The following CCDC102B variants were observed in gnomAD, a reference collection of about 807,000 sequenced individuals.
The protein encoded by CCDC102B is coiled-coil domain containing 102B, also known as coiled-coil domain-containing protein 102B.
A neutral mutation model predicts 57.4 loss-of-function variants in CCDC102B; 75 were observed. The ratio of observed to expected loss-of-function variants is 1.31; its 90% CI spans 1.08 to 1.58. The LOEUF is 1.58. Ranked by LOEUF, CCDC102B falls within the 40% of genes most tolerant of loss-of-function variation. CCDC102B has a pLI of 0.00. For synonymous variants in CCDC102B, 206 were observed against 201.9 expected (o/e 1.02, Z -0.17); for missense variants, 636 against 582.6 (o/e 1.09, Z -0.94).
intron 2 of CCDC102B, among the ~76,000 whole-genome samples, chr18:68,717,076 C>CA (rs762558435): frequency 0.019 from 1,923 of 103,162 alleles, 38 homozygotes; most frequent in African/African-American, 0.056. Context: ...GACTCTGTTT[C>CA]AAAAAAAAAA....
intron 5 of CCDC102B, among the ~76,000 whole-genome samples, chr18:68,893,513 A>G (rs978178768): frequency 6.6e-6 from 1 of 152,148 alleles, no homozygotes; most frequent in African/African-American, 2.4e-5. Context: ...GTGTGTAATC[A>G]TTGTCATTGA....
At chr18:68,725,341 C>G (rs930271616) in intron 2 of CCDC102B, among the ~76,000 whole-genome samples, 4 of 152,052 alleles carry the variant, frequency 2.6e-5, no homozygotes, top group African/African-American at 9.7e-5. Context: ...TTATTATGTC[C>G]CAGTTCAGTA....
intron 6 of CCDC102B, among the ~76,000 whole-genome samples, chr18:68,913,340 G>GTGTGTGTGTGTC: frequency 6.6e-6 from 1 of 151,190 alleles, no homozygotes. Flanking sequence ...GTGTGTGTGT[G>GTGTGTGTGTGTC]TGTGGTCCTA....
At chr18:68,863,570 A>G (rs564529989) in intron 4 of CCDC102B, among the ~76,000 whole-genome samples, 1 of 151,886 alleles carries the variant, frequency 6.6e-6, no homozygotes, top group South Asian at 2.1e-4. Flanking sequence ...AAATAAAGAG[A>G]ACTTCATCTC....
chr18:69,013,248 AT>A (rs60658028), intron 7 of CCDC102B, among the ~76,000 whole-genome samples: 15,460 of 147,986 alleles, frequency 0.1, 2,059 homozygotes, highest in African/African-American at 0.31. Context: ...GCTGGAGGCC[AT>A]TTTTTTTTTT....
At chr18:68,909,802 G>C (rs1049912588) in intron 6 of CCDC102B, among the ~76,000 whole-genome samples, 20 of 152,122 alleles carry the variant, frequency 1.3e-4, no homozygotes, top group African/African-American at 4.8e-4. Context: ...CACATATAGG[G>C]AGTAAAATTA....
chr18:68,980,605 G>A (rs1347000802), intron 6 of CCDC102B, among the ~76,000 whole-genome samples: 1 of 151,950 alleles, frequency 6.6e-6, no homozygotes, highest in Non-Finnish European at 1.5e-5. Context: ...TAAATAAGAT[G>A]GTCAGATGAG....
At chr18:68,854,831 G>A (rs746590294) in intron 4 of CCDC102B, among the ~76,000 whole-genome samples, 2 of 152,122 alleles carry the variant, frequency 1.3e-5, no homozygotes, top group African/African-American at 4.8e-5. Context: ...CTGAGAATTA[G>A]CACTGCTTAT....
chr18:68,919,186 A>T (rs1361682841), intron 6 of CCDC102B, among the ~76,000 whole-genome samples: 1 of 152,032 alleles, frequency 6.6e-6, no homozygotes, highest in Non-Finnish European at 1.5e-5. Context: ...AATTTTCCCA[A>T]CTACTAGTTA....
chr18:69,009,073 T>C lies in CCDC102B; in HGVS notation c.1264-1861T>C, dbSNP rs553265407. On this transcript the variant is annotated intron_variant, in intron 6 of 7. Transcript: ENST00000360242. The stretch of plus-strand genomic sequence containing the variant: ...TGAGTATATCTGTGAAATAAATTCC[T>C]GGAAATAGAATGGTTGTATCTGACT... 3.2e-4 allele frequency among the ~76,000 whole-genome samples: 49 copies of C among 152,278 alleles called. 1 individual carries two copies. The highest frequency in any genetic ancestry group is 1.1e-3 in the African/African-American group (47 of 41,562).
At chr18:69,017,267 C>T (rs1369396425) in intron 7 of CCDC102B, among the ~76,000 whole-genome samples, 1 of 151,994 alleles carries the variant, frequency 6.6e-6, no homozygotes, top group African/African-American at 2.4e-5. Flanking sequence ...AGGTGCTTGC[C>T]ACCATGCCTG....
intron 6 of CCDC102B, among the ~76,000 whole-genome samples, chr18:69,009,319 T>A (rs2051436264): frequency 6.6e-6 from 1 of 152,148 alleles, no homozygotes. Context: ...TACGCCCAGA[T>A]TGTGATGAGA....
At chr18:68,802,618 A>C (rs1055008862) in intron 1 of CCDC102B, among the ~76,000 whole-genome samples, 1 of 152,326 alleles carries the variant, frequency 6.6e-6, no homozygotes, top group African/African-American at 2.4e-5. Context: ...AAGCATAGGT[A>C]CTGAATGCAA....
chr18:68,800,477 A>C (rs1169980564), intron 1 of CCDC102B, among the ~76,000 whole-genome samples: 1 of 152,186 alleles, frequency 6.6e-6, no homozygotes, highest in East Asian at 1.9e-4. Context: ...GGTAATTTTT[A>C]CATTTAAATT....
rs1008996844 is a variant in CCDC102B, at chr18:68,806,515, A to C, written c.-16+8334A>C. 2.6e-5 allele frequency among the ~76,000 whole-genome samples: 4 copies of C among 152,228 alleles called. No homozygotes were observed. The South Asian group carries it at 8.3e-4, about 32-fold the overall frequency. Reference sequence around the variant, plus strand: ...GTAATTATCTTAATTTCCTGTATTTAGGAAACCTCTAGGTGTTAGAGACAG... The same window carrying C: ...GTAATTATCTTAATTTCCTGTATTTCGGAAACCTCTAGGTGTTAGAGACAG... On this transcript the variant is annotated intron_variant, in intron 1 of 7. Coordinates refer to ENST00000360242, the MANE Select transcript of CCDC102B (RefSeq NM_024781.3).
At chr18:68,744,948 T>C (rs1312431334) in intron 2 of CCDC102B, among the ~76,000 whole-genome samples, 1 of 152,130 alleles carries the variant, frequency 6.6e-6, no homozygotes, top group East Asian at 1.9e-4. Flanking sequence ...TGACTGTTAT[T>C]GAGTTTCCTT....
At chr18:69,003,800 AT>A (rs1324098598) in intron 6 of CCDC102B, among the ~76,000 whole-genome samples, 1 of 152,084 alleles carries the variant, frequency 6.6e-6, no homozygotes, top group African/African-American at 2.4e-5. Context: ...AAATTTGTTG[AT>A]TTTTTTCTTT....
At chr18:68,717,522 A>C (rs563659156) in intron 2 of CCDC102B, among the ~76,000 whole-genome samples, 4 of 152,326 alleles carry the variant, frequency 2.6e-5, no homozygotes, top group African/African-American at 7.2e-5. Context: ...TTTCCGTTGC[A>C]CATCACTGAT....
intron 6 of CCDC102B, among the ~76,000 whole-genome samples, chr18:68,940,874 A>C (rs1410238720): frequency 6.6e-6 from 1 of 151,892 alleles, no homozygotes; most frequent in Non-Finnish European, 1.5e-5. Context: ...TAGAAAGCTC[A>C]AGTAACTAAA....
Sources: allele counts gnomAD v4.1 joint callset (sites outside exome capture counted in the v4.1 genomes callset), GRCh38; gene constraint gnomAD v4.1.1; transcripts MANE v1.5; gene names NCBI Gene and HGNC (gene_info 2026-07-23, HGNC 2026-07-21).